PTGER3: variants seen among roughly 807,000 people sequenced by gnomAD.
The protein encoded by PTGER3 is prostaglandin E receptor 3.
A neutral mutation model predicts 34.7 loss-of-function variants in PTGER3; 22 were observed. The ratio of observed to expected loss-of-function variants is 0.63; its 90% CI spans 0.45 to 0.91. PTGER3 has a LOEUF of 0.91. PTGER3 is among the 40% of genes least tolerant of loss of function. PTGER3 has a pLI of 0.00. For missense variants in PTGER3, 468 were observed against 519.4 expected (o/e 0.90, Z 0.96); for synonymous variants, 241 against 230.1 (o/e 1.05, Z -0.43).
chr1:71,043,916 A>G (rs1161344002), intron 1 of PTGER3, among the ~76,000 whole-genome samples: 1 of 151,116 alleles, frequency 6.6e-6, no homozygotes, highest in Non-Finnish European at 1.5e-5. Context: ...TCCCTAGCCT[A>G]AGTAATTCTC....
intron 2 of PTGER3, among the ~76,000 whole-genome samples, chr1:70,955,169 C>T (rs969253521): frequency 6.6e-6 from 1 of 152,078 alleles, no homozygotes; most frequent in Admixed American, 6.5e-5. Flanking sequence ...ATTCTAATAA[C>T]ACCACATAAA....
At chr1:70,945,371 T>C (rs1182973738) in intron 4 of PTGER3, among the ~76,000 whole-genome samples, 1 of 152,062 alleles carries the variant, frequency 6.6e-6, no homozygotes, top group Non-Finnish European at 1.5e-5. Flanking sequence ...GGCTTTTGCT[T>C]GAAAATACCT....
At position 70,856,440 on chromosome 1, in the gene PTGER3, C is replaced by CAA. The variant is rs34715178; in HGVS notation, c.*24-3583_*24-3582dup. Among the ~76,000 whole-genome samples, 239 of 82,770 alleles carry CAA rather than the reference C, an allele frequency of 2.9e-3. 2 individuals carry two copies. Among genetic ancestry groups the CAA allele is most frequent in the Admixed American group, 4.5e-3 (33 of 7,296 alleles). 54.3% of individuals were successfully genotyped at this position (82,770 alleles called of 152,430 possible). On this transcript the variant is annotated intron_variant, in intron 4 of 4. Coordinates refer to the PTGER3 transcript ENST00000370931. ...GGGCAGCAAAAGTGAAACTTCATCTCAAAAAAAAAAAAAAAAAAAGCAGAC... is the reference window on the plus strand; with the variant it reads ...GGGCAGCAAAAGTGAAACTTCATCTCAAAAAAAAAAAAAAAAAAAAAGCAGAC...
At chr1:70,905,966 G>A (rs993895003) in intron 4 of PTGER3, among the ~76,000 whole-genome samples, 1 of 152,120 alleles carries the variant, frequency 6.6e-6, no homozygotes, top group Non-Finnish European at 1.5e-5. Flanking sequence ...GGTGGGAGGT[G>A]ATTGAATTAT....
intron 3 of PTGER3, among the ~76,000 whole-genome samples, chr1:70,973,289 G>A (rs759694763): frequency 2.0e-5 from 3 of 152,038 alleles, no homozygotes; most frequent in Non-Finnish European, 4.4e-5. Flanking sequence ...TAGACAGATA[G>A]ATGTGGGGAA....
chr1:71,010,425 C>A, intron 2 of PTGER3: 1 of 984,146 alleles, frequency 1.0e-6, no homozygotes. Context: ...CATTGATTCA[C>A]TGAATAAATA....
chr1:70,952,912 C>T (rs1557680917), exon 4 of PTGER3: 1 of 1,603,914 alleles, frequency 6.2e-7, no homozygotes, highest in East Asian at 2.2e-5. Flanking sequence ...TCATGTTATT[C>T]TGTCTTTACT....
At position 70,854,900 on chromosome 1, in the gene PTGER3, A is replaced by C. The variant is rs189408047; in HGVS notation, c.*24-2041T>G. 3.9e-3 allele frequency among the ~76,000 whole-genome samples: 601 copies of C among 152,350 alleles called. 1 individual carries two copies. The highest frequency in any genetic ancestry group is 5.6e-3 in the Non-Finnish European group (379 of 68,012). ...ATGGGAATTGACAATGCAGCCAGTA[A>C]GAAAAACAGTATAGAGTTTCCTCAG... On this transcript the variant is annotated intron_variant, in intron 4 of 4. Coordinates refer to the PTGER3 transcript ENST00000370931.
rs537014826 is a variant in PTGER3, at chr1:70,998,811, G to A, written c.1077+13494C>T. On this transcript the variant is annotated intron_variant, in intron 2 of 3. Coordinates refer to ENST00000306666, the MANE Select transcript of PTGER3 (RefSeq NM_198719.2). The stretch of plus-strand genomic sequence containing the variant: ...TAAATTACTGTTTTGCTTGAATCTC[G>A]ATACATCTATGAAAATTTTGCACAG... 3.1e-4 allele frequency among the ~76,000 whole-genome samples: 47 copies of A among 152,230 alleles called. 1 individual carries two copies. In the South Asian group the frequency reaches 9.5e-3, roughly 31 times the overall value.
chr1:70,928,253 C>A (rs962152289), intron 4 of PTGER3, among the ~76,000 whole-genome samples: 2 of 149,952 alleles, frequency 1.3e-5, no homozygotes, highest in Non-Finnish European at 3.0e-5. Flanking sequence ...AAAACTACTG[C>A]CTTGTATAGA....
At chr1:70,929,184 A>C (rs1295574486) in intron 4 of PTGER3, among the ~76,000 whole-genome samples, 1 of 152,180 alleles carries the variant, frequency 6.6e-6, no homozygotes, top group Non-Finnish European at 1.5e-5. Flanking sequence ...CTAAAGACGA[A>C]TAAATACAGC....
chr1:70,984,174 G>A (rs1654673399), intron 2 of PTGER3, among the ~76,000 whole-genome samples: 2 of 152,000 alleles, frequency 1.3e-5, no homozygotes, highest in Non-Finnish European at 2.9e-5. Flanking sequence ...ATTACCTGAG[G>A]TCAGGGGTTT....
chr1:70,967,193 T>C (rs550985070), downstream of PTGER3, among the ~76,000 whole-genome samples: 48 of 152,222 alleles, frequency 3.2e-4, no homozygotes, highest in South Asian at 8.3e-4. Context: ...GAAATGTAAA[T>C]AGAGAATCAA....
At chr1:71,003,075 T>C (rs927007467) in intron 2 of PTGER3, among the ~76,000 whole-genome samples, 10 of 152,236 alleles carry the variant, frequency 6.6e-5, no homozygotes, top group African/African-American at 2.4e-4. Flanking sequence ...AAAATACATG[T>C]CATTAATTGC....
At chr1:70,883,576 C>T (rs1646437023) in intron 4 of PTGER3, among the ~76,000 whole-genome samples, 1 of 152,262 alleles carries the variant, frequency 6.6e-6, no homozygotes. Flanking sequence ...TCTGAAATTA[C>T]AAGCCTAAAG....
At chr1:70,900,267 A>G (rs1194150645) in intron 4 of PTGER3, among the ~76,000 whole-genome samples, 2 of 151,970 alleles carry the variant, frequency 1.3e-5, no homozygotes, top group African/African-American at 4.8e-5. Context: ...AGCTCCTATC[A>G]TGACCGTGTT....
At chr1:70,964,695 A>G (rs1652325536) in intron 2 of PTGER3, among the ~76,000 whole-genome samples, 1 of 152,220 alleles carries the variant, frequency 6.6e-6, no homozygotes, top group African/African-American at 2.4e-5. Flanking sequence ...GAGCCAAACC[A>G]TATCAAGCGG....
At position 70,956,596 on chromosome 1, in the gene PTGER3, T is replaced by C. The variant is rs1651360050; in HGVS notation, c.1078-2807A>G. On this transcript the variant is annotated intron_variant, in intron 2 of 3. Transcript: ENST00000356595. ...CAACACTGAGCAATGTTCTGAATGATCATGAACTGCCTTTAGAGGCTTCTA... is the reference window on the plus strand; with the variant it reads ...CAACACTGAGCAATGTTCTGAATGACCATGAACTGCCTTTAGAGGCTTCTA... Among the ~76,000 whole-genome samples the C allele has an allele frequency of 2.6e-5, 4 of 152,296 alleles. No homozygotes were observed. In the South Asian group the frequency reaches 6.2e-4, roughly 24 times the overall value.
chr1:71,016,442 G>T (rs1331005856), intron 1 of PTGER3, among the ~76,000 whole-genome samples: 3 of 152,048 alleles, frequency 2.0e-5, no homozygotes, highest in Non-Finnish European at 4.4e-5. Context: ...CAGACTTGTG[G>T]AAGGCAATGG....
Sources: allele counts gnomAD v4.1 joint callset (sites outside exome capture counted in the v4.1 genomes callset), GRCh38; gene constraint gnomAD v4.1.1; transcripts MANE v1.5; gene names NCBI Gene and HGNC (gene_info 2026-07-23, HGNC 2026-07-21).